Variants in TMEFF2 observed in about 807,000 individuals in gnomAD.
TMEFF2 encodes the protein transmembrane protein with EGF like and two follistatin like domains 2.
TMEFF2 carries 28 observed loss-of-function variants against 53.8 expected under a neutral mutation model. The observed-to-expected ratio is 0.52, with a 90% CI of 0.39 to 0.71. The LOEUF (loss-of-function observed/expected upper bound fraction) is 0.71. TMEFF2 is among the 30% of genes least tolerant of loss of function. The pLI, the probability that TMEFF2 is intolerant of heterozygous loss-of-function variation, is 0.00. For synonymous variants in TMEFF2, 162 were observed against 166.3 expected, an observed-to-expected ratio of 0.97 and a Z score of 0.20; for missense variants, 353 against 455.2, an observed-to-expected ratio of 0.78 and a Z score of 2.04.
chr2:191,998,633 AT>A (rs1686281096), intron 6 of TMEFF2, among the ~76,000 whole-genome samples: 1 of 152,060 alleles, frequency 6.6e-6, no homozygotes, highest in East Asian at 1.9e-4. Context: ...AAAATAGAAC[AT>A]TCTAGTACCT....
At chr2:191,966,233 GA>G (rs1692467260) in intron 7 of TMEFF2, among the ~76,000 whole-genome samples, 1 of 152,188 alleles carries the variant, frequency 6.6e-6, no homozygotes, top group Non-Finnish European at 1.5e-5. Context: ...CCTTATGAAA[GA>G]ATATCTGCCA....
intron 4 of TMEFF2, among the ~76,000 whole-genome samples, chr2:192,130,556 C>T (rs35358518): frequency 0.15 from 22,438 of 151,952 alleles, 2,389 homozygotes; most frequent in African/African-American, 0.28. Context: ...CTTAACTGAG[C>T]GATTAACCCT....
chr2:192,035,956 A>G (rs1425742823), intron 5 of TMEFF2, among the ~76,000 whole-genome samples: 1 of 152,164 alleles, frequency 6.6e-6, no homozygotes, highest in Non-Finnish European at 1.5e-5. Context: ...CTGGCATCTC[A>G]TAATTGTGCA....
At chr2:192,110,248 T>C (rs1352790640) in intron 4 of TMEFF2, among the ~76,000 whole-genome samples, 25 of 152,132 alleles carry the variant, frequency 1.6e-4, no homozygotes, top group Admixed American at 1.6e-3. Flanking sequence ...CTAAAATATG[T>C]CCACTGGATT....
Position 191,949,304 on chromosome 2 carries a change from A to C in TMEFF2, c.*1007T>G. On this transcript the variant is annotated 3_prime_UTR_variant, in exon 10 of 10. Transcript: ENST00000272771. ...CTCACCACATAAATATGCTCAAAAC[A>C]TCTCTCTGTTTTCATGAAATATCGT... 5 of 985,342 alleles carry C rather than the reference A, an allele frequency of 5.1e-6. No homozygotes were observed. The highest frequency in any genetic ancestry group is 4.8e-6 in the Non-Finnish European group (4 of 829,884). The allele number at this position is 985,342 out of a possible 1,614,324, so 61.0% of individuals were successfully genotyped here.
chr2:192,052,654 A>AATTATATTT (rs1242607807), intron 5 of TMEFF2, among the ~76,000 whole-genome samples: 1 of 152,062 alleles, frequency 6.6e-6, no homozygotes, highest in East Asian at 1.9e-4. Flanking sequence ...CTTCTTTATA[A>AATTATATTT]ATTATATTTG....
chr2:192,140,893 C>T (rs1321211903), intron 4 of TMEFF2, among the ~76,000 whole-genome samples: 1 of 152,178 alleles, frequency 6.6e-6, no homozygotes, highest in Non-Finnish European at 1.5e-5. Flanking sequence ...GGGCAGGAAG[C>T]TGGTCAATGG....
intron 7 of TMEFF2, among the ~76,000 whole-genome samples, chr2:191,979,846 A>C (rs1346445918): frequency 6.6e-6 from 1 of 151,758 alleles, no homozygotes; most frequent in African/African-American, 2.4e-5. Context: ...ATATATCTCT[A>C]TCTATCTATC....
intron 5 of TMEFF2, among the ~76,000 whole-genome samples, chr2:192,025,838 A>G (rs1469872017): frequency 1.3e-5 from 2 of 152,210 alleles, no homozygotes; most frequent in East Asian, 3.9e-4. Flanking sequence ...GTCTGAATGC[A>G]GGGCACAGAT....
intron 9 of TMEFF2, among the ~76,000 whole-genome samples, chr2:191,952,589 A>T (rs1340328347): frequency 2.6e-5 from 4 of 152,100 alleles, no homozygotes; most frequent in Non-Finnish European, 4.4e-5. Flanking sequence ...GATGAACTCA[A>T]CTCGGCTTAG....
intron 4 of TMEFF2, among the ~76,000 whole-genome samples, chr2:192,063,830 T>C (rs77707919): frequency 0.012 from 1,871 of 151,906 alleles, 45 homozygotes; most frequent in African/African-American, 0.043. Context: ...GCTAGCACTA[T>C]TCAGCTTGAA....
At chr2:192,193,584 C>G (rs1181357241) in intron 1 of TMEFF2, among the ~76,000 whole-genome samples, 1 of 152,136 alleles carries the variant, frequency 6.6e-6, no homozygotes, top group Admixed American at 6.5e-5. Flanking sequence ...TGGAGCCTGA[C>G]CAGCCTCAGT....
chr2:192,162,906 G>A (rs527845021), intron 4 of TMEFF2, among the ~76,000 whole-genome samples: 6 of 152,266 alleles, frequency 3.9e-5, no homozygotes, highest in African/African-American at 9.6e-5. Flanking sequence ...TCACTCTCAG[G>A]ATGAACTGGA....
chr2:192,130,085 A>G (rs890964004), intron 4 of TMEFF2, among the ~76,000 whole-genome samples: 3 of 152,144 alleles, frequency 2.0e-5, no homozygotes, highest in Non-Finnish European at 4.4e-5. Context: ...TCATTTAATT[A>G]TTACTTTTTG....
At chr2:191,999,613 T>C (rs1191642777) in intron 5 of TMEFF2, among the ~76,000 whole-genome samples, 1 of 152,038 alleles carries the variant, frequency 6.6e-6, no homozygotes, top group Non-Finnish European at 1.5e-5. Flanking sequence ...TGGTTAAAGC[T>C]TGTGGAAAAC....
rs1389820574 is a variant in TMEFF2 at position 191,949,719 on chromosome 2, A to AT, written c.*591dup. The AT allele has an allele frequency of 9.1e-6, 9 of 985,324 alleles. No homozygotes were observed. In the South Asian group the frequency reaches 3.3e-4, roughly 36 times the overall value. The allele number at this position is 985,324 out of a possible 1,614,324, so 61.0% of individuals were successfully genotyped here. On this transcript the variant is annotated 3_prime_UTR_variant, in exon 10 of 10. Transcript: ENST00000272771. The stretch of plus-strand genomic sequence containing the variant: ...CTTTTATTTAGTTTATATGCCAGAG[A>AT]TTTTTCTGCTCTAGGGATGAAAATG...
chr2:191,991,919 A>G (rs1686119279), intron 7 of TMEFF2, among the ~76,000 whole-genome samples: 1 of 152,118 alleles, frequency 6.6e-6, no homozygotes, highest in South Asian at 2.1e-4. Flanking sequence ...GACTGGCTAC[A>G]TGATTTTATG....
intron 4 of TMEFF2, chr2:192,177,217 AC>A: frequency 6.6e-6 from 1 of 151,072 alleles, no homozygotes; most frequent in East Asian, 1.9e-4. Flanking sequence ...CCCTCTCAAA[AC>A]CTTGGTAATA....
chr2:192,122,640 C>T (rs1237494194), intron 4 of TMEFF2, among the ~76,000 whole-genome samples: 3 of 151,890 alleles, frequency 2.0e-5, no homozygotes, highest in Admixed American at 2.0e-4. Flanking sequence ...TGAAATTAAC[C>T]GTGCACATCT....
Sources: gnomAD v4.1 joint callset for allele counts (sites outside exome capture counted in the v4.1 genomes callset) on GRCh38, gnomAD v4.1.1 for gene constraint, MANE v1.5 for transcripts, NCBI Gene and HGNC (gene_info 2026-07-23, HGNC 2026-07-21) for gene names.